FCRL4: variants seen among roughly 807,000 people sequenced by gnomAD.
FCRL4 encodes Fc receptor like 4, also known as Fc receptor-like protein 4.
Under a neutral mutation model 64.1 loss-of-function variants are expected in FCRL4, and 43 were observed. That is an observed-to-expected ratio of 0.67 (90% CI 0.53 to 0.87). FCRL4 has a LOEUF of 0.87. FCRL4 is among the 40% of genes least tolerant of loss of function. FCRL4 has a pLI of 0.00. For missense variants in FCRL4, 656 were observed against 613.5 expected (o/e 1.07, Z -0.73); for synonymous variants, 253 against 239.8 (o/e 1.05, Z -0.51).
In FCRL4 at chr1:157,596,320, G is replaced by C; in HGVS notation, c.52+8C>G. Reference sequence around the variant, plus strand: ...AGACATAAAGGAGCAAAGAAAATAAGGACTTACCAGATTGTCCACAGACTG... The same window carrying C: ...AGACATAAAGGAGCAAAGAAAATAACGACTTACCAGATTGTCCACAGACTG... On this transcript the variant is annotated splice_region_variant and intron_variant, in intron 2 of 11. Coordinates refer to ENST00000271532, the MANE Select transcript of FCRL4 (RefSeq NM_031282.3). 6.2e-7 allele frequency: 1 copy of C among 1,613,780 alleles called. No individual in the cohort carries two copies. The highest frequency in any genetic ancestry group is 8.5e-7 in the Non-Finnish European group (1 of 1,179,764).
chr1:157,594,648 T>C (rs752344129), intron 2 of FCRL4, among the ~76,000 whole-genome samples: 10 of 152,258 alleles, frequency 6.6e-5, no homozygotes, highest in Non-Finnish European at 1.2e-4. Context: ...CCTTTTTTAC[T>C]CAGATGAGGA....
chr1:157,580,154 GC>G (rs927824385), intron 8 of FCRL4, among the ~76,000 whole-genome samples, 166 bp downstream of exon 8: 2 of 152,148 alleles, frequency 1.3e-5, no homozygotes, highest in African/African-American at 4.8e-5. Flanking sequence ...TAGCTGACAA[GC>G]AAAGTTCTAG....
At chr1:157,580,384 G>A in intron 7 of FCRL4, 36 bp from the exon 8 acceptor site, 1 of 1,613,660 alleles carries the variant, frequency 6.2e-7, no homozygotes. Context: ...TTTGTCAGCA[G>A]AGGGAGCTCT....
chr1:157,587,764 C>T, intron 4 of FCRL4, 101 bp downstream of exon 4: 1 of 1,262,390 alleles, frequency 7.9e-7, no homozygotes, highest in South Asian at 1.5e-5. Context: ...TGCCTCTCAT[C>T]TATCCAGAGT....
rs1173471600 is a variant in FCRL4 at position 157,587,375 on chromosome 1, T to A, written c.748A>T (p.Thr250Ser). 1 of 1,614,186 alleles carries A rather than the reference T, an allele frequency of 6.2e-7. No individual in the cohort carries two copies. The highest frequency in any genetic ancestry group is 8.5e-7 in the Non-Finnish European group (1 of 1,180,000). Residue 250 changes from threonine (T) to serine (S), a missense_variant, in exon 5 of 12, where the codon ACC (threonine) becomes TCC (serine). Physicochemically the swap from Thr to Ser is moderately conservative, Grantham distance 58. Coordinates refer to ENST00000271532, the MANE Select transcript of FCRL4 (RefSeq NM_031282.3). ...WSTYPELQLP[T>S]VWRENSGSYW... is the part of the protein sequence containing the mutation. Reference sequence around the variant, plus strand: ...GATCCTGAGTTTTCTCTCCAGACGGTTGGGAGCTGGAGTTCCGGGTACGTG... The same window carrying A: ...GATCCTGAGTTTTCTCTCCAGACGGATGGGAGCTGGAGTTCCGGGTACGTG...
At chr1:157,592,988 A>C (rs1321745692) in intron 2 of FCRL4, among the ~76,000 whole-genome samples, 1 of 152,248 alleles carries the variant, frequency 6.6e-6, no homozygotes, top group Non-Finnish European at 1.5e-5. Context: ...TCACAAGGAC[A>C]GAAAACCAAA....
rs764345879 is a variant in FCRL4 at position 157,586,411 on chromosome 1, C to A, written c.892G>T (p.Gly298Cys). ...GVLLETQPSGGQAVEGEMLVL... is the reference protein window; with the variant it reads ...GVLLETQPSGCQAVEGEMLVL... ...AGCATCTCCCCTTCAACAGCCTGGC[C>A]CCCTGAGGGCTGGGTCTCCAGGAGC... is the stretch of plus-strand genomic sequence containing the variant. Residue 298 changes from glycine (G) to cysteine (C), a missense_variant, in exon 6 of 12, where the codon GGC becomes TGC. By Grantham distance (159) the Gly-to-Cys change is radical. Coordinates refer to ENST00000271532, the MANE Select transcript of FCRL4 (RefSeq NM_031282.3). 1.2e-6 allele frequency: 2 copies of A among 1,612,444 alleles called. No homozygotes were observed. Among genetic ancestry groups the A allele is most frequent in the Non-Finnish European group, 1.7e-6 (2 of 1,179,962 alleles).
chr1:157,584,228 G>A (rs1405114744), intron 6 of FCRL4, among the ~76,000 whole-genome samples: 2 of 152,170 alleles, frequency 1.3e-5, no homozygotes, highest in Non-Finnish European at 2.9e-5. Context: ...AGGGCATTCA[G>A]GAGTCTTTCG....
rs1359155667 is a variant in FCRL4, at chr1:157,573,875, T to C, written c.*1649A>G. On this transcript the variant is annotated 3_prime_UTR_variant, in exon 12 of 12. Transcript: ENST00000271532. ...CAAAACACACAACAATTTCTTAATA[T>C]TAGTATACAAATTTTTCTTAGTATT... 2 of 194,224 alleles carry C rather than the reference T, an allele frequency of 1.0e-5. No homozygotes were observed. Among genetic ancestry groups the C allele is most frequent in the African/African-American group, 4.6e-5 (2 of 43,182 alleles). The allele number at this position is 194,224 out of a possible 1,614,324, so 12.0% of individuals were successfully genotyped here. A position where few individuals can be genotyped will look rare whatever the true frequency, so the allele number is the denominator to read the frequency against.
chr1:157,576,283 G>C (rs1444307105), intron 10 of FCRL4, among the ~76,000 whole-genome samples: 1 of 152,216 alleles, frequency 6.6e-6, no homozygotes, highest in Non-Finnish European at 1.5e-5. Context: ...AGAATTATCA[G>C]AGCAGCAGAG....
chr1:157,579,590 G>A lies in FCRL4; in HGVS notation c.1277+731C>T, dbSNP rs369819420. ...AAATTAGCTAGATGTGGTGGCTCAT[G>A]CCTGTAATCCCAGCTACTTTGGAAG... On this transcript the variant is annotated intron_variant, in intron 8 of 11. Coordinates refer to ENST00000271532, the MANE Select transcript of FCRL4 (RefSeq NM_031282.3). Among the ~76,000 whole-genome samples, 45 of 151,996 alleles carry A rather than the reference G, an allele frequency of 3.0e-4. No homozygotes were observed. The South Asian group carries it at 9.2e-3, about 31-fold the overall frequency.
chr1:157,596,145 G>C (rs1447541360), intron 2 of FCRL4, among the ~76,000 whole-genome samples, 183 bp downstream of exon 2: 1 of 152,154 alleles, frequency 6.6e-6, no homozygotes, highest in African/African-American at 2.4e-5. Flanking sequence ...TGGTTTAAGA[G>C]AGTCACCCCC....
At chr1:157,581,771 A>T (rs528287384) in intron 6 of FCRL4, 127 bp from the exon 7 acceptor site, 1 of 691,690 alleles carries the variant, frequency 1.4e-6, no homozygotes, top group Non-Finnish European at 2.4e-6. Flanking sequence ...TCTCATAAAG[A>T]CATCTTGGGC....
At chr1:157,575,943 C>G (rs917869622) in intron 10 of FCRL4, among the ~76,000 whole-genome samples, 9 of 152,182 alleles carry the variant, frequency 5.9e-5, no homozygotes, top group Non-Finnish European at 1.2e-4. Context: ...CTCCATTGAT[C>G]CGTAAAGTCC....
intron 3 of FCRL4, among the ~76,000 whole-genome samples, chr1:157,588,427 C>G (rs542318035): frequency 6.6e-6 from 1 of 152,174 alleles, no homozygotes; most frequent in African/African-American, 2.4e-5. Context: ...GAACTTAACA[C>G]CAACCTGCTC....
rs1652388629 is a variant in FCRL4, at chr1:157,575,723, G to T, written c.1437C>A (p.Thr479=). The change falls in exon 11 of 12, where the codon ACC becomes ACA. Residue 479 remains threonine, a synonymous_variant. Transcript: ENST00000271532. ...TQLGEEEEAN[T]SRTLLEDKDV... ...CCTTATCCTCTAGAAGTGTCCTGGA[G>T]GTATTAGCTGTGGACAGAAAGAGAA... is the stretch of plus-strand genomic sequence containing the variant. 2.5e-6 allele frequency: 4 copies of T among 1,613,772 alleles called. No homozygotes were observed. The highest frequency in any genetic ancestry group is 3.4e-6 in the Non-Finnish European group (4 of 1,179,746).
intron 6 of FCRL4, among the ~76,000 whole-genome samples, chr1:157,585,344 C>CTCTTTCTTTCTT (rs764765610): frequency 1.0e-3 from 81 of 81,316 alleles, no homozygotes; most frequent in African/African-American, 2.7e-3. Flanking sequence ...CTTTCTCTCT[C>CTCTTTCTTTCTT]TCTTTCTTTC....
chr1:157,592,329 A>C (rs1652856722), intron 2 of FCRL4, among the ~76,000 whole-genome samples: 1 of 152,188 alleles, frequency 6.6e-6, no homozygotes, highest in Non-Finnish European at 1.5e-5. Flanking sequence ...ATGGGAGAAA[A>C]ATTTTGCAAT....
In FCRL4 at chr1:157,579,902, G is replaced by A. The variant is rs547397731; in HGVS notation, c.1277+419C>T. ...AAGTTAAGCACATAACGTTTAATGA[G>A]TATATATGCGTGTATGGTGCAAAAA... is the stretch of plus-strand genomic sequence containing the variant. On this transcript the variant is annotated intron_variant, in intron 8 of 11. Transcript: ENST00000271532. Among the ~76,000 whole-genome samples the A allele has an allele frequency of 9.2e-5, 14 of 152,226 alleles. No individual in the cohort carries two copies. In the East Asian group the frequency reaches 1.7e-3, roughly 19 times the overall value.
Sources: gnomAD v4.1 joint callset for allele counts (sites outside exome capture counted in the v4.1 genomes callset) on GRCh38, gnomAD v4.1.1 for gene constraint, MANE v1.5 for transcripts, NCBI Gene and HGNC (gene_info 2026-07-23, HGNC 2026-07-21) for gene names.